The following PHF14 variants were observed in gnomAD, a reference collection of about 807,000 sequenced individuals.
The protein encoded by PHF14 is PHD finger protein 14.
In PHF14, 55 loss-of-function variants were observed where a neutral mutation model predicts 117.9. The ratio of observed to expected loss-of-function variants is 0.47; its 90% CI spans 0.38 to 0.58. PHF14 has a LOEUF of 0.58. PHF14 is among the 20% of genes least tolerant of loss of function. The pLI is 0.00. For synonymous variants in PHF14, 409 were observed against 368.6 expected (o/e 1.11, Z -1.26); for missense variants, 978 against 1,122.2 (o/e 0.87, Z 1.84).
intron 11 of PHF14, among the ~76,000 whole-genome samples, chr7:11,040,061 T>C (rs941429776): frequency 3.9e-5 from 6 of 152,178 alleles, no homozygotes; most frequent in Admixed American, 2.6e-4. Flanking sequence ...TTTGCAAATT[T>C]CCTTTTGCAA....
chr7:11,084,915 GA>G (rs1398154972), intron 16 of PHF14, among the ~76,000 whole-genome samples: 1 of 151,918 alleles, frequency 6.6e-6, no homozygotes, highest in Admixed American at 6.6e-5. Flanking sequence ...TATCTTTGGA[GA>G]TTTTTTTTTC....
At chr7:10,978,512 T>G (rs2128307292) in intron 2 of PHF14, among the ~76,000 whole-genome samples, 1 of 152,246 alleles carries the variant, frequency 6.6e-6, no homozygotes, top group South Asian at 2.1e-4. Flanking sequence ...TTTTTTATAT[T>G]TGGGGATCAG....
At chr7:11,145,244 T>G (rs1379053459) in intron 17 of PHF14, among the ~76,000 whole-genome samples, 1 of 151,638 alleles carries the variant, frequency 6.6e-6, no homozygotes, top group Non-Finnish European at 1.5e-5. Flanking sequence ...AGTTTTTCCT[T>G]CATTTCAGTA....
intron 17 of PHF14, among the ~76,000 whole-genome samples, chr7:11,123,326 T>C (rs2128346718): frequency 6.6e-6 from 1 of 152,324 alleles, no homozygotes; most frequent in Non-Finnish European, 1.5e-5. Context: ...ATGGTTTAAT[T>C]GGCCGTTTCC....
At chr7:11,065,227 C>A (rs944257043) in intron 16 of PHF14, among the ~76,000 whole-genome samples, 1 of 151,906 alleles carries the variant, frequency 6.6e-6, no homozygotes. Context: ...AAGTTCTCAA[C>A]TAAATATATA....
At chr7:11,111,530 C>A in intron 17 of PHF14, 63 bp downstream of exon 17, 2 of 768,112 alleles carry the variant, frequency 2.6e-6, no homozygotes, top group Non-Finnish European at 4.4e-6. Flanking sequence ...TTTCCCATGT[C>A]ACACAATTAG....
At position 10,999,001 on chromosome 7, in the gene PHF14, A is replaced by C. The variant is rs1202941794; in HGVS notation, c.1045+8154A>C. 4.6e-5 allele frequency among the ~76,000 whole-genome samples: 7 copies of C among 152,366 alleles called. No homozygotes were observed. The East Asian group carries it at 1.4e-3, about 29-fold the overall frequency. On this transcript the variant is annotated intron_variant, in intron 4 of 17. Transcript: ENST00000634607. ...AGACATTGGGAAATCGTACACATTTAGGATTTCAAGCTTCTTTTGCAAAGT... is the reference window on the plus strand; with the variant it reads ...AGACATTGGGAAATCGTACACATTTCGGATTTCAAGCTTCTTTTGCAAAGT...
chr7:11,007,369 A>AT (rs576882036), intron 4 of PHF14, among the ~76,000 whole-genome samples: 3,002 of 151,508 alleles, frequency 0.02, 39 homozygotes, highest in Middle Eastern at 0.045. Context: ...TAACTTTGTG[A>AT]TTTTTTATTG....
At chr7:11,008,676 A>C (rs1370701406) in intron 4 of PHF14, among the ~76,000 whole-genome samples, 1 of 152,142 alleles carries the variant, frequency 6.6e-6, no homozygotes, top group Admixed American at 6.5e-5. Flanking sequence ...GCTTTGGGAT[A>C]TATTTCTGAC....
intron 4 of PHF14, among the ~76,000 whole-genome samples, chr7:11,007,291 A>G (rs930746073): frequency 6.6e-6 from 1 of 151,296 alleles, no homozygotes; most frequent in Non-Finnish European, 1.5e-5. Flanking sequence ...TTTGTCTGTT[A>G]TATGTGTTGC....
intron 17 of PHF14, among the ~76,000 whole-genome samples, chr7:11,136,043 A>C (rs1378783341): frequency 2.0e-5 from 3 of 152,196 alleles, no homozygotes; most frequent in Non-Finnish European, 4.4e-5. Context: ...TTTGGTATAC[A>C]TAAGTAACAT....
chr7:10,988,709 G>C (rs1211047898), intron 3 of PHF14, among the ~76,000 whole-genome samples: 1 of 151,888 alleles, frequency 6.6e-6, no homozygotes. Context: ...TCCTCTTTTT[G>C]AACCACCTTA....
At chr7:11,083,378 CTCTCTT>C (rs1786229382) in intron 16 of PHF14, among the ~76,000 whole-genome samples, 1 of 151,740 alleles carries the variant, frequency 6.6e-6, no homozygotes, top group Non-Finnish European at 1.5e-5. Context: ...TGCACACCGT[CTCTCTT>C]TCTCCCCGCA....
chr7:11,115,983 C>G (rs1787591521), intron 17 of PHF14, among the ~76,000 whole-genome samples: 3 of 151,934 alleles, frequency 2.0e-5, no homozygotes, highest in Non-Finnish European at 4.4e-5. Context: ...GATGTTATAT[C>G]TTAGGAGTTG....
chr7:10,974,932 T>G lies in PHF14; in HGVS notation c.99T>G (p.Val33=). The G allele has an allele frequency of 7.3e-6, 11 of 1,509,290 alleles. No homozygotes were observed. Among genetic ancestry groups the G allele is most frequent in the African/African-American group, 1.4e-5 (1 of 73,072 alleles). 93.5% of individuals were successfully genotyped at this position (1,509,290 alleles called of 1,614,324 possible). The change falls in exon 2 of 18, where the codon GTT becomes GTG. Residue 33 remains valine, a synonymous_variant. Transcript: ENST00000634607. ...YDSSDDSDFK[V]GDASDSEGSG... ...GTTCAGATGACAGTGATTTTAAAGTTGGAGATGCCTCAGGTAAATATTTCC... is the reference window on the plus strand; with the variant it reads ...GTTCAGATGACAGTGATTTTAAAGTGGGAGATGCCTCAGGTAAATATTTCC...
intron 17 of PHF14, among the ~76,000 whole-genome samples, chr7:11,139,318 A>T (rs896662613): frequency 2.0e-5 from 3 of 152,140 alleles, no homozygotes; most frequent in Non-Finnish European, 4.4e-5. Context: ...GAATCACTGT[A>T]TTTATTTTGA....
chr7:11,107,057 C>T (rs556759584), intron 16 of PHF14: 3 of 983,352 alleles, frequency 3.1e-6, no homozygotes, highest in African/African-American at 1.7e-5. Context: ...ATAGGAGGTG[C>T]ACTTAATTGT....
intron 12 of PHF14, among the ~76,000 whole-genome samples, chr7:11,041,300 G>A (rs555968171): frequency 2.0e-5 from 3 of 151,468 alleles, no homozygotes; most frequent in South Asian, 2.1e-4. Context: ...CAATATTTTC[G>A]GTGTTCACCA....
intron 17 of PHF14, among the ~76,000 whole-genome samples, chr7:11,139,093 A>T (rs1482743374): frequency 6.6e-6 from 1 of 152,188 alleles, no homozygotes; most frequent in Non-Finnish European, 1.5e-5. Context: ...ATATTTATAT[A>T]CATATGAAAA....
Sources: gnomAD v4.1 joint callset for allele counts (sites outside exome capture counted in the v4.1 genomes callset) on GRCh38, gnomAD v4.1.1 for gene constraint, MANE v1.5 for transcripts, NCBI Gene and HGNC (gene_info 2026-07-23, HGNC 2026-07-21) for gene names.